The following CAST variants were observed in gnomAD, a reference collection of about 807,000 sequenced individuals.
CAST encodes the protein MIR583 host.
CAST carries 76 observed loss-of-function variants against 119.6 expected under a neutral mutation model. The ratio of observed to expected loss-of-function variants is 0.64; its 90% CI spans 0.53 to 0.77. The LOEUF (loss-of-function observed/expected upper bound fraction) is 0.77, where lower values mean the gene tolerates loss of function less well. CAST is among the 30% of genes least tolerant of loss of function. CAST has a pLI of 0.00. For missense variants in CAST, 953 were observed against 946.5 expected (o/e 1.01, Z -0.09); for synonymous variants, 319 against 331.6 (o/e 0.96, Z 0.41).
At chr5:96,261,618 A>G in the CAST span, among the ~76,000 whole-genome samples, 1 of 152,240 alleles carries the variant, frequency 6.6e-6, no homozygotes, top group South Asian at 2.1e-4. Context: ...ATCAGAAGCT[A>G]ACATGGCAGA....
chr5:96,457,313 T>C, the CAST span, among the ~76,000 whole-genome samples: 1 of 152,194 alleles, frequency 6.6e-6, no homozygotes, highest in African/African-American at 2.4e-5. Flanking sequence ...TTAAGTCACC[T>C]ATCTCTCTTT....
At chr5:96,300,723 A>G in the CAST span, among the ~76,000 whole-genome samples, 22 of 152,150 alleles carry the variant, frequency 1.4e-4, no homozygotes, top group African/African-American at 5.1e-4. Flanking sequence ...CTTTCTATCC[A>G]TGAACGTGGG....
chr5:96,520,565 A>G (rs976845433), upstream of CAST, among the ~76,000 whole-genome samples: 14 of 151,266 alleles, frequency 9.3e-5, no homozygotes, highest in African/African-American at 3.2e-4. Flanking sequence ...CTAGGTGTGT[A>G]TGTGTGTGTG....
the CAST span, among the ~76,000 whole-genome samples, chr5:96,214,418 T>C: frequency 6.6e-6 from 1 of 152,208 alleles, no homozygotes; most frequent in Non-Finnish European, 1.5e-5. Flanking sequence ...AAATACTTCA[T>C]GTCAGTATTA....
chr5:96,537,393 T>C (rs1001406575), intron 1 of CAST, among the ~76,000 whole-genome samples: 8 of 152,230 alleles, frequency 5.3e-5, no homozygotes, highest in Non-Finnish European at 1.0e-4. Flanking sequence ...ATTTAAGCTT[T>C]CCAAGTACTC....
At chr5:96,241,855 A>G in the CAST span, among the ~76,000 whole-genome samples, 1 of 148,942 alleles carries the variant, frequency 6.7e-6, no homozygotes, top group Non-Finnish European at 1.5e-5. Flanking sequence ...GGCTGCATAA[A>G]TGTCTTCTTT....
the CAST span, among the ~76,000 whole-genome samples, chr5:96,021,227 T>G: frequency 5.9e-5 from 9 of 152,292 alleles, no homozygotes; most frequent in South Asian, 1.9e-3. Flanking sequence ...GGTTTATCTG[T>G]ATAACTGTGT....
the CAST span, among the ~76,000 whole-genome samples, chr5:96,060,609 A>G: frequency 1.3e-5 from 2 of 152,128 alleles, no homozygotes; most frequent in Non-Finnish European, 2.9e-5. Flanking sequence ...ACTGAGTGAT[A>G]TAAAAGGCAC....
chr5:96,701,779 T>C (rs1400157469), intron 3 of CAST, among the ~76,000 whole-genome samples: 2 of 148,144 alleles, frequency 1.4e-5, no homozygotes, highest in African/African-American at 5.0e-5. Context: ...CACTCCAGCC[T>C]GGGCCACATA....
rs147588241 is a variant in CAST, at chr5:96,538,821, G to C, written c.60+8941G>C. On this transcript the variant is annotated intron_variant, in intron 1 of 11. Transcript: ENST00000505143. ...ACATCATAAGACATAGAAATATCAA[G>C]TTACTCTAATTTGCAGTTTGGGGTT... 2.3e-3 allele frequency among the ~76,000 whole-genome samples: 352 copies of C among 151,962 alleles called. 1 individual carries two copies. Among genetic ancestry groups the C allele is most frequent in the Non-Finnish European group, 3.2e-3 (217 of 67,962 alleles).
the CAST span, among the ~76,000 whole-genome samples, chr5:96,021,331 C>G: frequency 2.0e-5 from 3 of 152,118 alleles, no homozygotes; most frequent in Admixed American, 2.0e-4. Context: ...TTATAGATGC[C>G]TCCCAGTATT....
chr5:96,013,129 A>C, the CAST span, among the ~76,000 whole-genome samples: 1 of 152,144 alleles, frequency 6.6e-6, no homozygotes, highest in Non-Finnish European at 1.5e-5. Flanking sequence ...TACTTCTGTT[A>C]AAATGTATTT....
At chr5:96,226,753 A>G in the CAST span, among the ~76,000 whole-genome samples, 1 of 152,148 alleles carries the variant, frequency 6.6e-6, no homozygotes, top group Non-Finnish European at 1.5e-5. Flanking sequence ...CTTGATTTCT[A>G]GGTTTAACTT....
chr5:96,774,099 T>G lies in CAST; in HGVS notation c.*1483T>G, dbSNP rs370218062. 1.3e-5 allele frequency: 2 copies of G among 153,208 alleles called. No individual in the cohort carries two copies. Among genetic ancestry groups the G allele is most frequent in the African/African-American group, 4.8e-5 (2 of 41,572 alleles). 9.5% of individuals were successfully genotyped at this position (153,208 alleles called of 1,614,324 possible). On this transcript the variant is annotated 3_prime_UTR_variant, in exon 32 of 32. Coordinates refer to ENST00000675179, the MANE Select transcript of CAST (RefSeq NM_001750.7). ...GCAACAAGAAAAGAAAAAACACTTTTCCTGAGGGATTTCTAACCATGTATC... is the reference window on the plus strand; with the variant it reads ...GCAACAAGAAAAGAAAAAACACTTTGCCTGAGGGATTTCTAACCATGTATC...
the CAST span, among the ~76,000 whole-genome samples, chr5:96,151,538 G>A: frequency 6.6e-6 from 1 of 151,936 alleles, no homozygotes; most frequent in East Asian, 1.9e-4. Flanking sequence ...GAGGGTGGTA[G>A]TGGAGGAGAC....
chr5:96,602,527 A>G (rs895031583), intron 1 of CAST, among the ~76,000 whole-genome samples: 5 of 152,182 alleles, frequency 3.3e-5, no homozygotes, highest in Non-Finnish European at 2.9e-5. Context: ...TGAGGCAGGC[A>G]GATCACCTGA....
the CAST span, among the ~76,000 whole-genome samples, chr5:96,206,374 T>C: frequency 6.6e-6 from 1 of 152,138 alleles, no homozygotes; most frequent in Non-Finnish European, 1.5e-5. Context: ...ATAAAGTCTC[T>C]GCCAAGGCCT....
At chr5:96,574,821 T>C (rs957422391) in intron 1 of CAST, among the ~76,000 whole-genome samples, 1 of 152,214 alleles carries the variant, frequency 6.6e-6, no homozygotes, top group Middle Eastern at 3.2e-3. Flanking sequence ...TTTTTGTACC[T>C]GTGCACCATA....
chr5:96,564,463 G>A lies in CAST; in HGVS notation c.60+34583G>A, dbSNP rs144454740. On this transcript the variant is annotated intron_variant, in intron 1 of 11. Transcript: ENST00000505143. ...AAAACAGAATCCCATTCTACTTGCCGGAAAATGTGTTGTATTAAAGAGGAT... is the reference window on the plus strand; with the variant it reads ...AAAACAGAATCCCATTCTACTTGCCAGAAAATGTGTTGTATTAAAGAGGAT... Among the ~76,000 whole-genome samples the A allele has an allele frequency of 3.5e-3, 534 of 152,268 alleles. 2 individuals carry two copies. The highest frequency in any genetic ancestry group is 0.01 in the Middle Eastern group (3 of 294).
Sources: allele counts gnomAD v4.1 joint callset (sites outside exome capture counted in the v4.1 genomes callset), GRCh38; gene constraint gnomAD v4.1.1; transcripts MANE v1.5; gene names NCBI Gene and HGNC (gene_info 2026-07-23, HGNC 2026-07-21).